EPB41L1: variants seen among roughly 807,000 people sequenced by gnomAD.
EPB41L1 encodes the protein erythrocyte membrane protein band 4.1 like 1.
A neutral mutation model predicts 97.8 loss-of-function variants in EPB41L1; 29 were observed. That is an observed-to-expected ratio of 0.30 (90% confidence interval 0.22 to 0.40). The LOEUF (loss-of-function observed/expected upper bound fraction) is 0.40, where lower values mean the gene tolerates loss of function less well. EPB41L1 is among the 10% of genes least tolerant of loss of function. The pLI is 1.00. For missense variants in EPB41L1, 812 were observed against 1,162.3 expected, an observed-to-expected ratio of 0.70 and a Z score of 4.38; for synonymous variants, 383 against 459.2, an observed-to-expected ratio of 0.83 and a Z score of 2.12.
At chr20:36,111,186 A>C (rs1222911986) in intron 1 of EPB41L1, among the ~76,000 whole-genome samples, 1 of 152,192 alleles carries the variant, frequency 6.6e-6, no homozygotes, top group Non-Finnish European at 1.5e-5. Flanking sequence ...TGGGCCACAT[A>C]AGTAGTAAGT....
chr20:36,152,912 T>C (rs1222743419), upstream of EPB41L1: 1 of 453,970 alleles, frequency 2.2e-6, no homozygotes, highest in Non-Finnish European at 4.4e-6. Context: ...AGGACACTCG[T>C]CCTTCTGTCA....
At chr20:36,165,233 C>T (rs894531164) in intron 1 of EPB41L1, among the ~76,000 whole-genome samples, 8 of 152,068 alleles carry the variant, frequency 5.3e-5, no homozygotes, top group Admixed American at 1.3e-4. Flanking sequence ...TTGCCTGCCT[C>T]GGCCTCCCAA....
chr20:36,163,692 G>A (rs2060622437), intron 1 of EPB41L1, among the ~76,000 whole-genome samples: 1 of 152,206 alleles, frequency 6.6e-6, no homozygotes. Context: ...CTCTCGGCCT[G>A]AATGAGCAGG....
At chr20:36,097,603 G>A (rs2057873467) in intron 1 of EPB41L1, among the ~76,000 whole-genome samples, 1 of 152,232 alleles carries the variant, frequency 6.6e-6, no homozygotes, top group African/African-American at 2.4e-5. Context: ...GAGCAGACAT[G>A]TAAAGATGCA....
At chr20:36,105,374 C>T (rs2058156680) in intron 1 of EPB41L1, among the ~76,000 whole-genome samples, 2 of 152,116 alleles carry the variant, frequency 1.3e-5, no homozygotes, top group African/African-American at 4.8e-5. Context: ...CATTCCAGTT[C>T]TTGTGAGGTC....
At chr20:36,116,295 G>A (rs2058581855) in intron 2 of EPB41L1, among the ~76,000 whole-genome samples, 1 of 152,130 alleles carries the variant, frequency 6.6e-6, no homozygotes. Flanking sequence ...AGCAGGGGTA[G>A]TGAAGTTTGG....
intron 2 of EPB41L1, among the ~76,000 whole-genome samples, chr20:36,137,121 C>G (rs1181037720): frequency 6.7e-6 from 1 of 148,204 alleles, no homozygotes; most frequent in Non-Finnish European, 1.5e-5. Context: ...GTTGCCCAGG[C>G]TAGAGTGCAG....
intron 2 of EPB41L1, chr20:36,125,605 A>G: frequency 1.3e-6 from 2 of 1,512,488 alleles, no homozygotes; most frequent in Non-Finnish European, 1.8e-6. Context: ...GGCATGAAAC[A>G]CTTTGGAGTG....
intron 2 of EPB41L1, among the ~76,000 whole-genome samples, chr20:36,141,836 G>T (rs779775258): frequency 6.6e-6 from 1 of 152,072 alleles, no homozygotes; most frequent in African/African-American, 2.4e-5. Flanking sequence ...GGCCAGGCAC[G>T]GTGGCTCACG....
chr20:36,120,513 G>A (rs540641249), intron 2 of EPB41L1, among the ~76,000 whole-genome samples: 2 of 152,298 alleles, frequency 1.3e-5, no homozygotes, highest in East Asian at 3.9e-4. Flanking sequence ...TTGAATCTAG[G>A]ATTTCTGAAG....
intron 1 of EPB41L1, among the ~76,000 whole-genome samples, chr20:36,109,274 A>T (rs2058310070): frequency 6.6e-6 from 1 of 152,128 alleles, no homozygotes. Flanking sequence ...TGGCAAATGA[A>T]AAACCTTGGT....
At chr20:36,154,604 G>T (rs1458313460), upstream of EPB41L1, 1 of 831,274 alleles carries the variant, frequency 1.2e-6, no homozygotes, top group Non-Finnish European at 1.4e-6. This position sits in a 1 kb window ranked among gnomAD's most constrained non-coding sequence, Gnocchi z 5.5. Flanking sequence ...CGCAAGCGGC[G>T]GCCGCCCCTG....
chr20:36,175,084 A>G (rs1035372907), intron 2 of EPB41L1, among the ~76,000 whole-genome samples: 1 of 152,060 alleles, frequency 6.6e-6, no homozygotes, highest in African/African-American at 2.4e-5. Flanking sequence ...TCAGCAGTGG[A>G]GTTAGGACCC....
intron 2 of EPB41L1, among the ~76,000 whole-genome samples, chr20:36,117,428 C>T (rs913868206): frequency 9.4e-5 from 13 of 137,896 alleles, no homozygotes; most frequent in African/African-American, 3.6e-4. Context: ...AGAATTCTTT[C>T]ATAATTCTTC....
rs112812961 is a variant in EPB41L1, at chr20:36,127,248, C to T, written c.-10+14768C>T. ...AGAGGAGAGCCCTGTCTGGGTCTGG[C>T]GGAATACAGTCTGCATCCCCACCCC... On this transcript the variant is annotated intron_variant, in intron 2 of 19. Transcript: ENST00000202028. 2.3e-3 allele frequency among the ~76,000 whole-genome samples: 357 copies of T among 152,272 alleles called. 3 individuals are homozygous for T. The highest frequency in any genetic ancestry group is 8.0e-3 in the African/African-American group (333 of 41,554).
At position 36,127,130 on chromosome 20, in the gene EPB41L1, G is replaced by A. The variant is rs1422301663; in HGVS notation, c.-10+14650G>A. Reference sequence around the variant, plus strand: ...TGACAGTGAGGCTCATCCATACCCCGCCTCCCATCTGAGATGAGCTCAGAG... The same window carrying A: ...TGACAGTGAGGCTCATCCATACCCCACCTCCCATCTGAGATGAGCTCAGAG... On this transcript the variant is annotated intron_variant, in intron 2 of 19. Coordinates refer to the EPB41L1 transcript ENST00000202028. 7.9e-5 allele frequency among the ~76,000 whole-genome samples: 12 copies of A among 152,146 alleles called. No individual in the cohort carries two copies. The South Asian group carries it at 1.0e-3, about 13-fold the overall frequency.
chr20:36,175,445 C>A, intron 2 of EPB41L1, 106 bp from the exon 3 acceptor site: 1 of 1,371,716 alleles, frequency 7.3e-7, no homozygotes, highest in Non-Finnish European at 1.0e-6. Context: ...GACTTTCATT[C>A]TGGGGTCTGT....
chr20:36,175,879 G>A (rs916759559), intron 3 of EPB41L1, among the ~76,000 whole-genome samples, 164 bp downstream of exon 3: 1 of 152,144 alleles, frequency 6.6e-6, no homozygotes, highest in Non-Finnish European at 1.5e-5. Context: ...ACAGATGGTG[G>A]CACCAAAGCC....
At chr20:36,197,081 G>C (rs144212130) in intron 13 of EPB41L1, among the ~76,000 whole-genome samples, 1 of 152,102 alleles carries the variant, frequency 6.6e-6, no homozygotes, top group South Asian at 2.1e-4. Context: ...CTATCTGGCT[G>C]TATCTCACCC....
Sources: allele counts gnomAD v4.1 joint callset (sites outside exome capture counted in the v4.1 genomes callset), GRCh38; gene constraint gnomAD v4.1.1; non-coding constraint Gnocchi (gnomAD v3.1); transcripts MANE v1.5; gene names NCBI Gene and HGNC (gene_info 2026-07-23, HGNC 2026-07-21).